CNTN6: variants seen among roughly 807,000 people sequenced by gnomAD.
CNTN6 encodes contactin-6.
In CNTN6, 137 loss-of-function variants were observed where a neutral mutation model predicts 122.8. The ratio of observed to expected loss-of-function variants is 1.12; its 90% CI spans 0.97 to 1.29. CNTN6 has a LOEUF of 1.29. Among genes scored for constraint, CNTN6 ranks in the 50% most tolerant of loss-of-function variants. The probability of loss-of-function intolerance (pLI) is 0.00; values close to 1 mark genes in which losing one functional copy is unlikely to be tolerated. For synonymous variants in CNTN6, 570 were observed against 426.0 expected (o/e 1.34, Z -4.16); for missense variants, 1,634 against 1,223.4 (o/e 1.34, Z -5.01).
chr3:1,373,651 A>G lies in CNTN6; in HGVS notation c.1834A>G (p.Thr612Ala). ...EDVQVEDISS[T>A]TSQLSWRAGP... The stretch of plus-strand genomic sequence containing the variant: ...TGTGCAAGTGGAAGACATTTCCAGT[A>G]CTACTTCTCAACTAAGTTGGAGAGC... The change falls in exon 15 of 23, where the codon ACT (threonine) becomes GCT (alanine). Residue 612 changes from threonine (T) to alanine (A), a missense_variant. By Grantham distance (58) the Thr-to-Ala change is moderately conservative (BLOSUM62 0). Coordinates refer to ENST00000446702, the MANE Select transcript of CNTN6 (RefSeq NM_001289080.2). 1 of 1,613,010 alleles carries G rather than the reference A, an allele frequency of 6.2e-7. No homozygotes were observed.
At chr3:1,329,247 GTA>G (rs776957639) in intron 10 of CNTN6, among the ~76,000 whole-genome samples, 8 of 140,552 alleles carry the variant, frequency 5.7e-5, no homozygotes, top group African/African-American at 6.2e-5. Flanking sequence ...GTGCATACAT[GTA>G]TATGTGTGTG....
At chr3:1,323,919 G>C (rs1263992682) in intron 8 of CNTN6, among the ~76,000 whole-genome samples, 1 of 139,640 alleles carries the variant, frequency 7.2e-6, no homozygotes, top group Non-Finnish European at 1.5e-5. Flanking sequence ...CGCAATTATT[G>C]CATTAAGCAT....
intron 1 of CNTN6, among the ~76,000 whole-genome samples, chr3:1,107,439 C>A (rs2091278730): frequency 6.6e-6 from 1 of 151,998 alleles, no homozygotes; most frequent in African/African-American, 2.4e-5. Context: ...TTTGCAATTG[C>A]CATTCATGTA....
intron 15 of CNTN6, 40 bp downstream of exon 15, chr3:1,373,802 A>G: frequency 6.6e-7 from 1 of 1,524,472 alleles, no homozygotes; most frequent in Non-Finnish European, 8.8e-7. Context: ...TAAAAATAAT[A>G]TTTTAGTCCA....
At chr3:1,166,923 T>G (rs948090370) in intron 2 of CNTN6, among the ~76,000 whole-genome samples, 12 of 151,400 alleles carry the variant, frequency 7.9e-5, no homozygotes, top group African/African-American at 2.9e-4. Flanking sequence ...CTAGGAGAAA[T>G]ACCTAATGCT....
chr3:1,235,454 AAT>A (rs2094409099), intron 4 of CNTN6, among the ~76,000 whole-genome samples: 1 of 150,912 alleles, frequency 6.6e-6, no homozygotes, highest in Non-Finnish European at 1.5e-5. Flanking sequence ...TATATAAATA[AAT>A]ATATAATACA....
At chr3:1,350,419 A>G (rs923308292) in intron 11 of CNTN6, among the ~76,000 whole-genome samples, 2 of 151,902 alleles carry the variant, frequency 1.3e-5, no homozygotes, top group African/African-American at 4.8e-5. Context: ...ATTCTCTCCT[A>G]CTTAGCTAGT....
intron 2 of CNTN6, among the ~76,000 whole-genome samples, chr3:1,179,915 A>T (rs1173066692): frequency 6.6e-6 from 1 of 152,102 alleles, no homozygotes; most frequent in East Asian, 1.9e-4. Flanking sequence ...TTCCTTCTTT[A>T]CTAATTTGTT....
At chr3:1,298,915 G>A (rs1696740954) in intron 7 of CNTN6, among the ~76,000 whole-genome samples, 1 of 152,054 alleles carries the variant, frequency 6.6e-6, no homozygotes, top group Non-Finnish European at 1.5e-5. Flanking sequence ...TCCTAATGTG[G>A]CCCTCACATT....
At chr3:1,305,514 T>C (rs1320748913) in intron 7 of CNTN6, among the ~76,000 whole-genome samples, 3 of 152,174 alleles carry the variant, frequency 2.0e-5, no homozygotes, top group Non-Finnish European at 4.4e-5. Context: ...GAGAAGCTCC[T>C]TGTATAGGTG....
chr3:1,300,518 AAAG>A (rs1370406413), intron 7 of CNTN6, among the ~76,000 whole-genome samples: 3 of 145,436 alleles, frequency 2.1e-5, no homozygotes, highest in South Asian at 4.2e-4. Flanking sequence ...AGAAAGAAAG[AAAG>A]AAAGATAAAG....
intron 2 of CNTN6, among the ~76,000 whole-genome samples, chr3:1,170,944 G>C (rs763016331): frequency 6.6e-6 from 1 of 152,140 alleles, no homozygotes; most frequent in Non-Finnish European, 1.5e-5. Flanking sequence ...GTACAGACTT[G>C]CAAGAATGCA....
intron 4 of CNTN6, among the ~76,000 whole-genome samples, chr3:1,276,800 A>G (rs565808937): frequency 6.6e-6 from 1 of 152,154 alleles, no homozygotes; most frequent in Non-Finnish European, 1.5e-5. Flanking sequence ...CAAGATAGAA[A>G]TTTACTTATA....
rs750371063 is a variant in CNTN6 at position 1,373,707 on chromosome 3, A to G, written c.1890A>G (p.Ile630Met). Residue 630 changes from isoleucine to methionine, a missense_variant, in exon 15 of 23, where the codon ATA becomes ATG. By Grantham distance (10) the Ile-to-Met change is conservative. Transcript: ENST00000446702. Reference sequence around the variant, plus strand: ...CAGATAATAACAGTCCCATTCAAATATTTACTATTCAGACTCGGACACCAT... The same window carrying G: ...CAGATAATAACAGTCCCATTCAAATGTTTACTATTCAGACTCGGACACCAT... ...AGPDNNSPIQ[I>M]FTIQTRTPFS... 29 of 1,613,066 alleles carry G rather than the reference A, an allele frequency of 1.8e-5. No homozygotes were observed. Among genetic ancestry groups the G allele is most frequent in the Non-Finnish European group, 2.5e-5 (29 of 1,179,314 alleles).
intron 2 of CNTN6, among the ~76,000 whole-genome samples, chr3:1,191,532 G>A (rs1159216926): frequency 6.6e-6 from 1 of 152,116 alleles, no homozygotes; most frequent in Non-Finnish European, 1.5e-5. Flanking sequence ...GACCCTTCTG[G>A]ATCTCTCCCT....
At chr3:1,160,291 G>C (rs1203233102) in intron 2 of CNTN6, among the ~76,000 whole-genome samples, 1 of 147,312 alleles carries the variant, frequency 6.8e-6, no homozygotes, top group Non-Finnish European at 1.5e-5. Context: ...TCACAGCTGA[G>C]ACACAGAAGG....
chr3:1,285,697 CAT>C (rs1252310772), intron 5 of CNTN6, among the ~76,000 whole-genome samples: 2 of 152,168 alleles, frequency 1.3e-5, no homozygotes. Flanking sequence ...CTAACTATAA[CAT>C]AGCTTGGCCA....
At position 1,397,752 on chromosome 3, in the gene CNTN6, G is replaced by A. The variant is rs116198237; in HGVS notation, c.2705-3681G>A. ...GTTGACTGACTAGCACTTTGTACTC[G>A]ATTCTTTCTTGCTGCAAATATGCAA... On this transcript the variant is annotated intron_variant, in intron 20 of 22. Transcript: ENST00000446702. 3.6e-3 allele frequency among the ~76,000 whole-genome samples: 547 copies of A among 152,208 alleles called. 1 individual carries two copies. The highest frequency in any genetic ancestry group is 0.01 in the Middle Eastern group (3 of 294).
chr3:1,260,545 C>A (rs2094828536), intron 4 of CNTN6, among the ~76,000 whole-genome samples: 1 of 151,904 alleles, frequency 6.6e-6, no homozygotes, highest in East Asian at 1.9e-4. Context: ...ATAATAATTC[C>A]CTCAAATAAA....
Sources: gnomAD v4.1 joint callset for allele counts (sites outside exome capture counted in the v4.1 genomes callset) on GRCh38, gnomAD v4.1.1 for gene constraint, MANE v1.5 for transcripts, NCBI Gene and HGNC (gene_info 2026-07-23, HGNC 2026-07-21) for gene names.